Variants in SHISA9 observed in about 807,000 individuals in gnomAD.
The protein encoded by SHISA9 is protein shisa-9.
In SHISA9, 13 loss-of-function variants were observed where a neutral mutation model predicts 38.0. That is an observed-to-expected ratio of 0.34 (90% CI 0.22 to 0.54). The LOEUF (loss-of-function observed/expected upper bound fraction) is 0.54, where lower values mean the gene tolerates loss of function less well. SHISA9 is among the 20% of genes least tolerant of loss of function. SHISA9 has a pLI of 0.91. For missense variants in SHISA9, 538 were observed against 575.8 expected (o/e 0.93, Z 0.67); for synonymous variants, 275 against 242.0 (o/e 1.14, Z -1.27).
chr16:13,284,432 G>A, the SHISA9 span, among the ~76,000 whole-genome samples: 98,287 of 151,994 alleles, frequency 0.65, 32,025 homozygotes, highest in African/African-American at 0.73. Context: ...TATCTTTAGA[G>A]TATATTTAGA....
chr16:13,334,244 G>A, the SHISA9 span, among the ~76,000 whole-genome samples: 2 of 152,188 alleles, frequency 1.3e-5, no homozygotes, highest in African/African-American at 4.8e-5. Flanking sequence ...CACTTCTAAA[G>A]AGAAGAACAT....
At chr16:13,157,164 C>G (rs977272033) in intron 2 of SHISA9, among the ~76,000 whole-genome samples, 3 of 152,032 alleles carry the variant, frequency 2.0e-5, no homozygotes, top group African/African-American at 7.2e-5. Flanking sequence ...GTCCATCCCC[C>G]CATCCATCCA....
chr16:13,026,667 G>A (rs1457044495), intron 2 of SHISA9, among the ~76,000 whole-genome samples: 1 of 152,164 alleles, frequency 6.6e-6, no homozygotes. Context: ...CACAGCAGCT[G>A]CACCCTTTTA....
At chr16:13,192,731 C>T (rs776663302) in intron 2 of SHISA9, among the ~76,000 whole-genome samples, 8 of 152,032 alleles carry the variant, frequency 5.3e-5, no homozygotes, top group South Asian at 2.1e-4. Context: ...AAAAATTACC[C>T]GGGCGTGGTG....
chr16:13,278,375 T>C, the SHISA9 span, among the ~76,000 whole-genome samples: 1 of 152,042 alleles, frequency 6.6e-6, no homozygotes, highest in Non-Finnish European at 1.5e-5. Context: ...GTCTGTAGTT[T>C]TCTCCTTTGG....
chr16:13,525,104 T>A, the SHISA9 span, among the ~76,000 whole-genome samples: 4 of 152,198 alleles, frequency 2.6e-5, no homozygotes, highest in Admixed American at 6.5e-5. Context: ...TCTGGCCCTA[T>A]CACCGTAGTT....
chr16:13,494,169 A>T, the SHISA9 span, among the ~76,000 whole-genome samples: 1 of 152,236 alleles, frequency 6.6e-6, no homozygotes, highest in Non-Finnish European at 1.5e-5. Flanking sequence ...AGCTAGACAC[A>T]TGTTAAACAA....
At chr16:13,211,853 T>A (rs928429792) in intron 3 of SHISA9, among the ~76,000 whole-genome samples, 1 of 152,186 alleles carries the variant, frequency 6.6e-6, no homozygotes, top group Non-Finnish European at 1.5e-5. Context: ...GTTGGCTTGG[T>A]CAGCGTGTGG....
chr16:13,369,853 G>A, the SHISA9 span, among the ~76,000 whole-genome samples: 2 of 152,064 alleles, frequency 1.3e-5, no homozygotes, highest in Non-Finnish European at 2.9e-5. Context: ...GCAACACCCA[G>A]GTTGCTTAAG....
the SHISA9 span, among the ~76,000 whole-genome samples, chr16:13,531,787 G>A: frequency 1.3e-5 from 2 of 152,100 alleles, no homozygotes; most frequent in East Asian, 1.9e-4. Flanking sequence ...GGGGGGCAGG[G>A]AATACTCACC....
chr16:13,162,246 T>C (rs934278304), intron 2 of SHISA9, among the ~76,000 whole-genome samples: 3 of 152,188 alleles, frequency 2.0e-5, no homozygotes, highest in Non-Finnish European at 4.4e-5. Flanking sequence ...TTTGGAGAAC[T>C]AGTTGGTGTA....
At chr16:13,137,580 C>G (rs557461073) in intron 2 of SHISA9, among the ~76,000 whole-genome samples, 1 of 151,690 alleles carries the variant, frequency 6.6e-6, no homozygotes, top group Non-Finnish European at 1.5e-5. Flanking sequence ...CTCAGCCTCT[C>G]GAATAGCTGG....
intron 2 of SHISA9, among the ~76,000 whole-genome samples, chr16:13,086,670 C>G (rs879351387): frequency 6.6e-6 from 1 of 151,960 alleles, no homozygotes; most frequent in Non-Finnish European, 1.5e-5. Context: ...ATTTGTATTT[C>G]AAAATTGAGA....
chr16:13,271,030 T>C, the SHISA9 span, among the ~76,000 whole-genome samples: 13 of 152,288 alleles, frequency 8.5e-5, no homozygotes, highest in South Asian at 2.3e-3. Flanking sequence ...TAGGAAAGTG[T>C]GCATACTGAC....
chr16:13,189,940 A>C (rs1195489831), intron 2 of SHISA9, among the ~76,000 whole-genome samples: 2 of 152,170 alleles, frequency 1.3e-5, no homozygotes, highest in Non-Finnish European at 2.9e-5. Flanking sequence ...AGAGGGACGC[A>C]GAGGGAGGAG....
chr16:12,904,151 C>T (rs1185349672), intron 1 of SHISA9, among the ~76,000 whole-genome samples: 1 of 152,156 alleles, frequency 6.6e-6, no homozygotes, highest in East Asian at 1.9e-4. Context: ...TCCCCAGCCC[C>T]ACCGGCCAGG....
the SHISA9 span, among the ~76,000 whole-genome samples, chr16:13,544,414 G>GTTTTTTTTTCTTGTTTTTTTTTTT: frequency 7.7e-6 from 1 of 130,398 alleles, no homozygotes; most frequent in South Asian, 2.4e-4. Context: ...GTTTTTTCGG[G>GTTTTTTTTTCTTGTTTTTTTTTTT]TTTTTTTTTT....
At chr16:13,173,593 C>T (rs2050707314) in intron 2 of SHISA9, among the ~76,000 whole-genome samples, 1 of 152,108 alleles carries the variant, frequency 6.6e-6, no homozygotes, top group African/African-American at 2.4e-5. Flanking sequence ...TTTAACAATG[C>T]CTAGAGACAT....
chr16:12,970,495 ATATTTTTTTTT>A (rs2072065063), intron 2 of SHISA9, among the ~76,000 whole-genome samples: 6 of 24,622 alleles, frequency 2.4e-4, no homozygotes, highest in African/African-American at 3.0e-4. Flanking sequence ...ATATATATAT[ATATTTTTTTTT>A]TTTTTTTTTT....
Sources: allele counts gnomAD v4.1 joint callset (sites outside exome capture counted in the v4.1 genomes callset), GRCh38; gene constraint gnomAD v4.1.1; transcripts MANE v1.5; gene names NCBI Gene and HGNC (gene_info 2026-07-23, HGNC 2026-07-21).